GPC6: variants seen among roughly 807,000 people sequenced by gnomAD.
The protein encoded by GPC6 is glypican 6, also known as glypican-6.
GPC6 carries 14 observed loss-of-function variants against 55.2 expected under a neutral mutation model. That is an observed-to-expected ratio of 0.25 (90% CI 0.17 to 0.40). GPC6 has a LOEUF of 0.40. GPC6 is among the 10% of genes least tolerant of loss of function. The pLI, the probability that GPC6 is intolerant of heterozygous loss-of-function variation, is 1.00. For synonymous variants in GPC6, 278 were observed against 259.6 expected (o/e 1.07, Z -0.68); for missense variants, 641 against 708.5 (o/e 0.90, Z 1.08).
At chr13:93,248,024 C>G (rs1265129187) in intron 1 of GPC6, among the ~76,000 whole-genome samples, 2 of 152,128 alleles carry the variant, frequency 1.3e-5, no homozygotes, top group Non-Finnish European at 2.9e-5. Context: ...AGTTACTCGG[C>G]CTGGGCTATT....
intron 2 of GPC6, among the ~76,000 whole-genome samples, chr13:93,624,553 C>G (rs1284991634): frequency 6.6e-6 from 1 of 152,154 alleles, no homozygotes; most frequent in Non-Finnish European, 1.5e-5. Flanking sequence ...TGGTTTTCCT[C>G]TAAAAGTGCA....
intron 1 of GPC6, among the ~76,000 whole-genome samples, chr13:93,482,758 A>T (rs375633975): frequency 9.8e-5 from 15 of 152,290 alleles, no homozygotes; most frequent in African/African-American, 3.6e-4. Flanking sequence ...GTTACAGGAA[A>T]TTATAGACCC....
intron 3 of GPC6, among the ~76,000 whole-genome samples, chr13:94,017,393 C>T (rs1882508833): frequency 1.3e-5 from 2 of 152,044 alleles, no homozygotes; most frequent in East Asian, 3.9e-4. Flanking sequence ...ACAATCATGG[C>T]AGAAGGCAAA....
intron 2 of GPC6, among the ~76,000 whole-genome samples, chr13:93,710,934 G>A (rs992956844): frequency 6.6e-6 from 1 of 151,764 alleles, no homozygotes; most frequent in African/African-American, 2.4e-5. Flanking sequence ...TATACTCAAT[G>A]TTAAAAATAA....
At chr13:94,358,035 A>G (rs1878879797) in intron 6 of GPC6, among the ~76,000 whole-genome samples, 1 of 152,154 alleles carries the variant, frequency 6.6e-6, no homozygotes, top group Non-Finnish European at 1.5e-5. Context: ...AAGAGAAAGG[A>G]CCATGGCACT....
At chr13:93,765,514 T>G (rs1022580270) in intron 2 of GPC6, among the ~76,000 whole-genome samples, 18 of 152,258 alleles carry the variant, frequency 1.2e-4, no homozygotes, top group Admixed American at 9.2e-4. Context: ...TGAGTTTAAC[T>G]TACATTTTCA....
intron 1 of GPC6, among the ~76,000 whole-genome samples, chr13:93,488,165 T>C (rs2139351161): frequency 6.6e-6 from 1 of 152,204 alleles, no homozygotes; most frequent in Non-Finnish European, 1.5e-5. Context: ...TTCCCCTTCC[T>C]GTGTCCAAGT....
rs140415065 is a variant in GPC6 at position 93,650,213 on chromosome 13, A to C, written c.319+104792A>C. Among the ~76,000 whole-genome samples the C allele has an allele frequency of 7.3e-3, 1,112 of 152,268 alleles. 6 individuals carry two copies. The highest frequency in any genetic ancestry group is 0.011 in the Non-Finnish European group (757 of 68,012). On this transcript the variant is annotated intron_variant, in intron 2 of 8. Coordinates refer to ENST00000377047, the MANE Select transcript of GPC6 (RefSeq NM_005708.5). ...ATCATTTTCTAGTCCCAAACTTGTAAATATGGTTTAATTTTCCCAAGTACA... is the reference window on the plus strand; with the variant it reads ...ATCATTTTCTAGTCCCAAACTTGTACATATGGTTTAATTTTCCCAAGTACA...
intron 2 of GPC6, among the ~76,000 whole-genome samples, chr13:93,727,738 A>G (rs1374947690): frequency 1.4e-4 from 21 of 152,076 alleles, no homozygotes. Flanking sequence ...CAGTTTGCCA[A>G]CCCTGTTTTA....
intron 2 of GPC6, among the ~76,000 whole-genome samples, chr13:93,673,504 T>C (rs550336168): frequency 1.3e-5 from 2 of 152,098 alleles, no homozygotes; most frequent in Admixed American, 1.3e-4. Flanking sequence ...CAAGAGTATA[T>C]ATATATGGCT....
intron 3 of GPC6, among the ~76,000 whole-genome samples, chr13:93,996,490 G>A (rs746820431): frequency 1.3e-5 from 2 of 151,898 alleles, no homozygotes; most frequent in Non-Finnish European, 2.9e-5. Flanking sequence ...TTGAGGCTTC[G>A]AGTCCTTAGG....
chr13:94,333,285 A>C (rs754383010), intron 6 of GPC6, among the ~76,000 whole-genome samples: 2 of 152,224 alleles, frequency 1.3e-5, no homozygotes, highest in Admixed American at 6.5e-5. Context: ...CATTAGATGC[A>C]GTCATGGCCA....
intron 2 of GPC6, among the ~76,000 whole-genome samples, chr13:93,661,800 A>G (rs1484855419): frequency 6.6e-6 from 1 of 152,188 alleles, no homozygotes; most frequent in Non-Finnish European, 1.5e-5. Context: ...CTACAGATTA[A>G]TCACTTTATA....
intron 2 of GPC6, among the ~76,000 whole-genome samples, chr13:93,745,943 A>C (rs375823597): frequency 3.9e-4 from 59 of 152,324 alleles, no homozygotes; most frequent in South Asian, 8.3e-4. Flanking sequence ...CATGAAGGAT[A>C]AGAAACAAAT....
chr13:93,670,041 C>T (rs7982394), intron 2 of GPC6, among the ~76,000 whole-genome samples: 41 of 152,236 alleles, frequency 2.7e-4, no homozygotes, highest in African/African-American at 8.7e-4. Flanking sequence ...GTTCTCACAA[C>T]GGGACTAAAT....
intron 2 of GPC6, among the ~76,000 whole-genome samples, chr13:93,599,748 T>C (rs1436881317): frequency 6.6e-6 from 1 of 152,192 alleles, no homozygotes; most frequent in Non-Finnish European, 1.5e-5. Context: ...AATGCCAAAA[T>C]GAGGGTTAGC....
At chr13:93,717,408 T>A (rs9516273) in intron 2 of GPC6, among the ~76,000 whole-genome samples, 71,913 of 151,372 alleles carry the variant, frequency 0.48, 19,180 homozygotes, top group Middle Eastern at 0.74. Flanking sequence ...TTGAATGTAA[T>A]TATAATATTA....
chr13:94,326,696 C>A (rs1052226970), intron 6 of GPC6, among the ~76,000 whole-genome samples: 8 of 152,244 alleles, frequency 5.3e-5, no homozygotes, highest in Non-Finnish European at 1.2e-4. Context: ...AAGAGGAATT[C>A]TATGGCCTAC....
At chr13:94,136,897 A>C (rs965360223) in intron 4 of GPC6, among the ~76,000 whole-genome samples, 7 of 152,198 alleles carry the variant, frequency 4.6e-5, no homozygotes, top group Non-Finnish European at 8.8e-5. Flanking sequence ...AACAGATTCA[A>C]GGCAAGAAAT....
Sources: allele counts gnomAD v4.1 joint callset (sites outside exome capture counted in the v4.1 genomes callset), GRCh38; gene constraint gnomAD v4.1.1; transcripts MANE v1.5; gene names NCBI Gene and HGNC (gene_info 2026-07-23, HGNC 2026-07-21).